SNTG1: variants seen among roughly 807,000 people sequenced by gnomAD.
SNTG1 encodes syntrophin gamma 1.
A neutral mutation model predicts 74.7 loss-of-function variants in SNTG1; 39 were observed. The observed-to-expected ratio is 0.52, with a 90% CI of 0.40 to 0.68. The LOEUF (loss-of-function observed/expected upper bound fraction) is 0.68, where lower values mean the gene tolerates loss of function less well. Among genes scored for constraint, SNTG1 ranks in the 30% least tolerant of loss-of-function variants. The probability of loss-of-function intolerance (pLI) is 0.00; values close to 1 mark genes in which losing one functional copy is unlikely to be tolerated. For synonymous variants in SNTG1, 254 were observed against 217.1 expected, an observed-to-expected ratio of 1.17 and a Z score of -1.49; for missense variants, 685 against 609.5, an observed-to-expected ratio of 1.12 and a Z score of -1.30.
intron 15 of SNTG1, among the ~76,000 whole-genome samples, chr8:50,688,694 G>A (rs552700615): frequency 2.0e-4 from 31 of 152,268 alleles, no homozygotes; most frequent in African/African-American, 6.7e-4. Flanking sequence ...GTAGCGTGAT[G>A]CCTCCAGCTT....
intron 13 of SNTG1, among the ~76,000 whole-genome samples, chr8:50,646,154 A>G (rs2095107827): frequency 6.6e-6 from 1 of 152,150 alleles, no homozygotes; most frequent in African/African-American, 2.4e-5. Context: ...AAGTGCTAGG[A>G]CATTTTCATT....
At chr8:50,035,136 T>G (rs1224488890) in intron 1 of SNTG1, among the ~76,000 whole-genome samples, 1 of 152,152 alleles carries the variant, frequency 6.6e-6, no homozygotes, top group African/African-American at 2.4e-5. Context: ...ACCAAACTTC[T>G]TCCTGAAATC....
At chr8:50,237,540 C>G (rs529306579) in intron 2 of SNTG1, among the ~76,000 whole-genome samples, 1 of 152,224 alleles carries the variant, frequency 6.6e-6, no homozygotes, top group Admixed American at 6.5e-5. Flanking sequence ...ACTTGAAAAA[C>G]AGACCTTATA....
intron 18 of SNTG1, among the ~76,000 whole-genome samples, chr8:50,784,503 G>A (rs912949040): frequency 6.6e-6 from 1 of 152,062 alleles, no homozygotes; most frequent in African/African-American, 2.4e-5. Flanking sequence ...ACAATTATAA[G>A]CATATTTGAT....
intron 5 of SNTG1, among the ~76,000 whole-genome samples, chr8:50,440,050 T>C (rs983669768): frequency 7.3e-5 from 11 of 151,622 alleles, no homozygotes; most frequent in African/African-American, 2.7e-4. Flanking sequence ...ATAAAGCTTT[T>C]CATTTTAATA....
At chr8:50,484,158 TTCC>T (rs1563453706) in intron 8 of SNTG1, among the ~76,000 whole-genome samples, 182 of 55,202 alleles carry the variant, frequency 3.3e-3, no homozygotes, top group African/African-American at 0.013. Context: ...CTTTCCTTCC[TTCC>T]TTCCTTCCTT....
At chr8:50,706,223 C>A (rs1011834956) in intron 16 of SNTG1, among the ~76,000 whole-genome samples, 2 of 151,448 alleles carry the variant, frequency 1.3e-5, no homozygotes, top group African/African-American at 4.9e-5. Context: ...TCTTAAATAG[C>A]CAAAAAATAG....
chr8:50,578,802 C>A (rs1206090913), intron 12 of SNTG1, among the ~76,000 whole-genome samples: 1 of 152,172 alleles, frequency 6.6e-6, no homozygotes, highest in Non-Finnish European at 1.5e-5. Context: ...CCTAGCCGTG[C>A]TGAACTGTGA....
intron 1 of SNTG1, among the ~76,000 whole-genome samples, chr8:49,987,863 T>TG (rs1813322137): frequency 6.6e-6 from 1 of 152,064 alleles, no homozygotes; most frequent in Non-Finnish European, 1.5e-5. Context: ...TTAGCCAGGA[T>TG]GGTCAAAATC....
chr8:50,193,059 A>C (rs2083635292), intron 2 of SNTG1, among the ~76,000 whole-genome samples: 1 of 152,000 alleles, frequency 6.6e-6, no homozygotes, highest in Admixed American at 6.6e-5. Context: ...ATGGCCTTAT[A>C]GTATAGTTTG....
At position 50,759,544 on chromosome 8, in the gene SNTG1, A is replaced by C. The variant is rs947171901; in HGVS notation, c.1395+7433A>C. Among the ~76,000 whole-genome samples the C allele has an allele frequency of 2.0e-5, 3 of 152,160 alleles. No homozygotes were observed. The East Asian group carries it at 5.8e-4, about 30-fold the overall frequency. ...CTGCATATGGCTAGCCAGTTTTCCCAGCACCATTTATTAAATAGGGAATCC... is the reference window on the plus strand; with the variant it reads ...CTGCATATGGCTAGCCAGTTTTCCCCGCACCATTTATTAAATAGGGAATCC... On this transcript the variant is annotated intron_variant, in intron 18 of 18. Transcript: ENST00000642720.
intron 2 of SNTG1, among the ~76,000 whole-genome samples, chr8:50,325,720 C>T (rs961010048): frequency 1.3e-5 from 2 of 152,002 alleles, no homozygotes; most frequent in Non-Finnish European, 2.9e-5. Flanking sequence ...ATCAGTACAC[C>T]TTTTATTTCC....
At chr8:50,645,348 T>TA (rs71300624) in intron 13 of SNTG1, among the ~76,000 whole-genome samples, 32,075 of 151,954 alleles carry the variant, frequency 0.21, 3,739 homozygotes, top group African/African-American at 0.3. Context: ...TTGTAATTTT[T>TA]TTTATATAAT....
chr8:50,601,273 C>T (rs1443733393), intron 13 of SNTG1, among the ~76,000 whole-genome samples: 2 of 146,642 alleles, frequency 1.4e-5, no homozygotes, highest in South Asian at 2.1e-4. Flanking sequence ...TATAAATTTT[C>T]CTCTTAGCTC....
At chr8:49,947,534 G>A (rs1809312134) in intron 1 of SNTG1, among the ~76,000 whole-genome samples, 1 of 152,134 alleles carries the variant, frequency 6.6e-6, no homozygotes, top group Admixed American at 6.5e-5. Context: ...TTCCAGGAAG[G>A]ATACTTCTTC....
chr8:50,735,902 A>G (rs1387210655), intron 17 of SNTG1, among the ~76,000 whole-genome samples: 2 of 152,126 alleles, frequency 1.3e-5, no homozygotes, highest in Admixed American at 6.6e-5. Context: ...AGGGAAACCC[A>G]TCAGACTAAC....
intron 8 of SNTG1, among the ~76,000 whole-genome samples, chr8:50,453,386 A>G (rs1200236746): frequency 6.6e-6 from 1 of 152,072 alleles, no homozygotes; most frequent in Non-Finnish European, 1.5e-5. Flanking sequence ...GCTTCACCAC[A>G]TCACCCACTG....
intron 13 of SNTG1, among the ~76,000 whole-genome samples, chr8:50,625,460 A>G (rs1585881823): frequency 6.6e-6 from 1 of 152,324 alleles, no homozygotes; most frequent in East Asian, 1.9e-4. Flanking sequence ...CCCATAACAC[A>G]TGCATATAGC....
At chr8:50,770,290 A>G (rs1181177271) in intron 18 of SNTG1, among the ~76,000 whole-genome samples, 1 of 152,150 alleles carries the variant, frequency 6.6e-6, no homozygotes, top group Non-Finnish European at 1.5e-5. Flanking sequence ...ATCAGAATCA[A>G]TGTTATTCAG....
Sources: allele counts gnomAD v4.1 joint callset (sites outside exome capture counted in the v4.1 genomes callset), GRCh38; gene constraint gnomAD v4.1.1; transcripts MANE v1.5; gene names NCBI Gene and HGNC (gene_info 2026-07-23, HGNC 2026-07-21).